Variants in TPH2 observed in about 807,000 individuals in gnomAD.
TPH2 encodes the protein tryptophan 5-hydroxylase 2.
In TPH2, 27 loss-of-function variants were observed where a neutral mutation model predicts 59.1. The observed-to-expected ratio is 0.46, with a 90% CI of 0.34 to 0.63. TPH2 has a LOEUF of 0.63. Among genes scored for constraint, TPH2 ranks in the 30% least tolerant of loss-of-function variants. The pLI, the probability that TPH2 is intolerant of heterozygous loss-of-function variation, is 0.01. For synonymous variants in TPH2, 220 were observed against 210.5 expected, an observed-to-expected ratio of 1.05 and a Z score of -0.39; for missense variants, 523 against 588.3, an observed-to-expected ratio of 0.89 and a Z score of 1.15.
intron 9 of TPH2, among the ~76,000 whole-genome samples, chr12:72,029,578 C>T (rs1873665059): frequency 6.6e-6 from 1 of 152,130 alleles, no homozygotes; most frequent in Non-Finnish European, 1.5e-5. Context: ...TCATGTGGAA[C>T]CAAAATCCCT....
chr12:71,939,128 T>C, intron 1 of TPH2, 37 bp downstream of exon 1: 1 of 1,516,504 alleles, frequency 6.6e-7, no homozygotes, highest in Non-Finnish European at 9.1e-7. Context: ...GAGAATTATT[T>C]TTTAGGGTGT....
chr12:72,031,131 T>C, intron 9 of TPH2, 127 bp from the exon 10 acceptor site: 1 of 1,266,966 alleles, frequency 7.9e-7, no homozygotes. Flanking sequence ...CCATATTTCA[T>C]GACAGACTAG....
intron 8 of TPH2, among the ~76,000 whole-genome samples, chr12:71,994,927 A>C (rs1016707314): frequency 6.6e-6 from 1 of 152,072 alleles, no homozygotes; most frequent in Non-Finnish European, 1.5e-5. Context: ...TCCCAATAAA[A>C]CTTTATTTAT....
intron 7 of TPH2, among the ~76,000 whole-genome samples, chr12:71,983,125 C>G (rs1301484663): frequency 6.6e-6 from 1 of 151,720 alleles, no homozygotes; most frequent in East Asian, 1.9e-4. Context: ...GTTTTCTGGC[C>G]TGGAAGACAA....
intron 5 of TPH2, among the ~76,000 whole-genome samples, chr12:71,960,101 G>A (rs1871636119): frequency 6.6e-6 from 1 of 152,126 alleles, no homozygotes; most frequent in Admixed American, 6.5e-5. Context: ...AGTTGTTGAT[G>A]CTTTAATTTC....
chr12:71,978,821 C>T (rs4760816), intron 6 of TPH2, 131 bp from the exon 7 acceptor site: 624,188 of 1,099,092 alleles, frequency 0.57, 178,625 homozygotes, highest in African/African-American at 0.58. Context: ...ATATGTCACT[C>T]AGTTGTCAAG....
chr12:71,993,692 G>C (rs1365644078), intron 7 of TPH2, among the ~76,000 whole-genome samples: 1 of 152,168 alleles, frequency 6.6e-6, no homozygotes, highest in South Asian at 2.1e-4. Context: ...GCTTATATTA[G>C]AGCCATAAAT....
intron 8 of TPH2, among the ~76,000 whole-genome samples, chr12:72,015,182 C>A (rs1873207887): frequency 6.6e-6 from 1 of 151,924 alleles, no homozygotes; most frequent in Admixed American, 6.6e-5. Context: ...CTTTACCTTT[C>A]AACAACTTTG....
At chr12:72,024,316 G>A (rs1386491685) in intron 9 of TPH2, among the ~76,000 whole-genome samples, 1 of 152,228 alleles carries the variant, frequency 6.6e-6, no homozygotes, top group East Asian at 1.9e-4. Flanking sequence ...GGAGAGCCAC[G>A]TGTGGACCCT....
intron 5 of TPH2, among the ~76,000 whole-genome samples, chr12:71,953,369 G>T (rs1273644403): frequency 6.6e-6 from 1 of 152,016 alleles, no homozygotes; most frequent in Non-Finnish European, 1.5e-5. Context: ...TTTGAGGATG[G>T]ATAAGAGAGA....
chr12:71,961,902 C>T, intron 5 of TPH2: 1 of 1,075,388 alleles, frequency 9.3e-7, no homozygotes. Flanking sequence ...AAAGGCAGCA[C>T]CAATATTAAC....
intron 5 of TPH2, among the ~76,000 whole-genome samples, chr12:71,950,134 A>G (rs932924139): frequency 6.6e-6 from 1 of 152,192 alleles, no homozygotes. Flanking sequence ...GGGGTTATGA[A>G]GGAGTTTCAC....
chr12:72,003,337 T>C (rs188788901), intron 8 of TPH2, among the ~76,000 whole-genome samples: 2 of 152,344 alleles, frequency 1.3e-5, no homozygotes, highest in East Asian at 1.9e-4. Context: ...ACATTCTTAA[T>C]TGAGATGTTT....
At chr12:72,004,127 G>A (rs1872892549) in intron 8 of TPH2, among the ~76,000 whole-genome samples, 3 of 150,862 alleles carry the variant, frequency 2.0e-5, no homozygotes, top group African/African-American at 4.9e-5. Context: ...GATGTTTGAT[G>A]TACAGTATGT....
At chr12:71,967,692 T>C (rs1871856485) in intron 5 of TPH2, among the ~76,000 whole-genome samples, 1 of 152,230 alleles carries the variant, frequency 6.6e-6, no homozygotes, top group South Asian at 2.1e-4. Flanking sequence ...AATTAGTCTG[T>C]TGAGGAGTAT....
At chr12:71,966,132 C>T (rs1481540467) in intron 5 of TPH2, among the ~76,000 whole-genome samples, 1 of 152,028 alleles carries the variant, frequency 6.6e-6, no homozygotes, top group Non-Finnish European at 1.5e-5. Context: ...GGAAATTATG[C>T]CAAATTCAGG....
chr12:72,010,005 T>C (rs113009952), intron 8 of TPH2, among the ~76,000 whole-genome samples: 1,856 of 152,294 alleles, frequency 0.012, 35 homozygotes, highest in African/African-American at 0.04. Context: ...ATGTTTGAAA[T>C]GGGGGATTTA....
intron 8 of TPH2, among the ~76,000 whole-genome samples, chr12:72,020,551 C>T (rs374613378): frequency 2.6e-5 from 4 of 151,934 alleles, no homozygotes; most frequent in Non-Finnish European, 5.9e-5. Context: ...TGTAATGGCA[C>T]GAACTCAGCT....
intron 5 of TPH2, among the ~76,000 whole-genome samples, chr12:71,970,957 A>G (rs1871956419): frequency 6.6e-6 from 1 of 152,220 alleles, no homozygotes; most frequent in South Asian, 2.1e-4. Flanking sequence ...TTAAACAAAA[A>G]TAATTTGGGG....
Sources: allele counts gnomAD v4.1 joint callset (sites outside exome capture counted in the v4.1 genomes callset), GRCh38; gene constraint gnomAD v4.1.1; transcripts MANE v1.5; gene names NCBI Gene and HGNC (gene_info 2026-07-23, HGNC 2026-07-21).